VTI1A: variants seen among roughly 807,000 people sequenced by gnomAD.
VTI1A encodes vesicle transport through interaction with t-SNAREs homolog 1A.
Under a neutral mutation model 34.9 loss-of-function variants are expected in VTI1A, and 22 were observed. That is an observed-to-expected ratio of 0.63 (90% confidence interval 0.45 to 0.90). The LOEUF (loss-of-function observed/expected upper bound fraction) is 0.90, where lower values mean the gene tolerates loss of function less well. Ranked by LOEUF, VTI1A falls within the 40% of genes least tolerant of loss-of-function variation. The pLI is 0.00. For synonymous variants in VTI1A, 87 were observed against 97.3 expected (o/e 0.89, Z 0.62); for missense variants, 268 against 275.6 (o/e 0.97, Z 0.20).
intron 7 of VTI1A, among the ~76,000 whole-genome samples, chr10:112,716,409 A>G (rs552191926): frequency 6.6e-6 from 1 of 152,302 alleles, no homozygotes; most frequent in South Asian, 2.1e-4. Context: ...CCCAACATGT[A>G]TACTCTAGTG....
chr10:112,795,245 C>A (rs1006082643), intron 7 of VTI1A, among the ~76,000 whole-genome samples: 3 of 152,154 alleles, frequency 2.0e-5, no homozygotes, highest in African/African-American at 4.8e-5. Context: ...TCTTGGCTAA[C>A]TTAACTCTCT....
At chr10:112,854,072 C>G in the VTI1A span, among the ~76,000 whole-genome samples, 1 of 152,174 alleles carries the variant, frequency 6.6e-6, no homozygotes, top group African/African-American at 2.4e-5. Context: ...CTAGCCATGT[C>G]TGGCTGCCTC....
intron 5 of VTI1A, among the ~76,000 whole-genome samples, chr10:112,562,230 A>G (rs150134568): frequency 9.2e-5 from 14 of 152,288 alleles, no homozygotes; most frequent in Middle Eastern, 3.4e-3. Context: ...TCGTCCAGAA[A>G]CAATGATGTT....
intron 7 of VTI1A, among the ~76,000 whole-genome samples, chr10:112,740,235 A>G (rs572550043): frequency 6.6e-6 from 1 of 152,322 alleles, no homozygotes; most frequent in Non-Finnish European, 1.5e-5. Flanking sequence ...GTTGGTGTTC[A>G]CAAATACTGG....
intron 7 of VTI1A, among the ~76,000 whole-genome samples, chr10:112,805,946 A>G (rs1273985537): frequency 1.4e-4 from 22 of 152,158 alleles, no homozygotes; most frequent in Admixed American, 1.4e-3. Flanking sequence ...TAGCACACTA[A>G]TATACTGACT....
At chr10:112,632,028 A>C (rs968602541) in intron 5 of VTI1A, among the ~76,000 whole-genome samples, 1 of 152,220 alleles carries the variant, frequency 6.6e-6, no homozygotes. Context: ...TGTAATTGTA[A>C]AAATATACAA....
At chr10:112,617,822 C>A (rs1303383976) in intron 5 of VTI1A, among the ~76,000 whole-genome samples, 1 of 152,074 alleles carries the variant, frequency 6.6e-6, no homozygotes, top group Non-Finnish European at 1.5e-5. Context: ...CCATTTACAA[C>A]TACAAAGTAG....
At chr10:112,554,499 A>G (rs925468388) in intron 5 of VTI1A, among the ~76,000 whole-genome samples, 1 of 152,132 alleles carries the variant, frequency 6.6e-6, no homozygotes, top group Admixed American at 6.5e-5. Flanking sequence ...GTAAATGGAA[A>G]CTCTGTGCCA....
At position 112,721,116 on chromosome 10, in the gene VTI1A, T is replaced by A. The variant is rs1849791227; in HGVS notation, c.560+52118T>A. Among the ~76,000 whole-genome samples, 5 of 152,320 alleles carry A rather than the reference T, an allele frequency of 3.3e-5. No individual in the cohort carries two copies. In the South Asian group the frequency reaches 1.0e-3, roughly 32 times the overall value. On this transcript the variant is annotated intron_variant, in intron 7 of 7. Transcript: ENST00000393077. ...GTGGGGAAACTGAGGTTAGCTCACTTTTTCAATGGCACCTACATAGTGAGT... is the reference window on the plus strand; with the variant it reads ...GTGGGGAAACTGAGGTTAGCTCACTATTTCAATGGCACCTACATAGTGAGT...
chr10:112,456,885 A>G (rs1165886822), intron 1 of VTI1A, among the ~76,000 whole-genome samples: 2 of 152,200 alleles, frequency 1.3e-5, no homozygotes, highest in Non-Finnish European at 2.9e-5. Flanking sequence ...TTTCCTTGGT[A>G]TCCTGAGCTA....
intron 7 of VTI1A, among the ~76,000 whole-genome samples, chr10:112,700,141 CAA>C (rs1242861727): frequency 1.2e-4 from 12 of 104,098 alleles, no homozygotes; most frequent in African/African-American, 2.5e-4. Context: ...AAAAACAAAA[CAA>C]AAAAAAAAAA....
At chr10:112,591,234 C>G (rs2134433278) in intron 5 of VTI1A, among the ~76,000 whole-genome samples, 1 of 152,020 alleles carries the variant, frequency 6.6e-6, no homozygotes, top group East Asian at 2.0e-4. Context: ...AGAAGAGATA[C>G]TGTTGACCGG....
At chr10:112,784,542 G>A (rs368319568) in intron 7 of VTI1A, among the ~76,000 whole-genome samples, 1 of 152,152 alleles carries the variant, frequency 6.6e-6, no homozygotes, top group East Asian at 1.9e-4. Flanking sequence ...CTAATTGTAA[G>A]TTCTAATGTT....
chr10:112,573,640 T>A (rs1327448345), intron 5 of VTI1A, among the ~76,000 whole-genome samples: 1 of 152,168 alleles, frequency 6.6e-6, no homozygotes, highest in East Asian at 1.9e-4. Context: ...GTCTATGGCT[T>A]TAGGAAAATT....
rs1853556261 is a variant in VTI1A at position 112,817,435 on chromosome 10, T to C, written c.*2052T>C. On this transcript the variant is annotated 3_prime_UTR_variant, in exon 8 of 8. Coordinates refer to ENST00000393077, the MANE Select transcript of VTI1A (RefSeq NM_145206.4). ...GAGGAGGGCATTGCTCACCTCTCAA[T>C]AGCTTTTTTCGTTCAAGTTCTATGT... 8.6e-6 allele frequency: 2 copies of C among 231,256 alleles called. No homozygotes were observed. The highest frequency in any genetic ancestry group is 6.1e-5 in the East Asian group (1 of 16,308). The allele number at this position is 231,256 out of a possible 1,614,324, so 14.3% of individuals were successfully genotyped here.
At chr10:112,588,388 T>C (rs917749299) in intron 5 of VTI1A, among the ~76,000 whole-genome samples, 1 of 152,198 alleles carries the variant, frequency 6.6e-6, no homozygotes, top group African/African-American at 2.4e-5. Flanking sequence ...GTAGTCAATA[T>C]AATAAATTTC....
chr10:112,520,669 A>ATATG (rs2098399723), intron 3 of VTI1A, among the ~76,000 whole-genome samples: 1 of 149,268 alleles, frequency 6.7e-6, no homozygotes, highest in Non-Finnish European at 1.5e-5. Context: ...ATATATATAT[A>ATATG]TATAAAACCT....
At chr10:112,504,890 T>C (rs1275717001) in intron 3 of VTI1A, among the ~76,000 whole-genome samples, 1 of 152,076 alleles carries the variant, frequency 6.6e-6, no homozygotes, top group East Asian at 1.9e-4. Flanking sequence ...AGATGGAATG[T>C]CTTTTTATAT....
chr10:112,514,779 G>A (rs973381137), intron 3 of VTI1A, among the ~76,000 whole-genome samples: 12 of 152,074 alleles, frequency 7.9e-5, no homozygotes, highest in Middle Eastern at 3.4e-3. Flanking sequence ...TTAACAAAAT[G>A]TAGCGGTAAC....
Sources: allele counts gnomAD v4.1 joint callset (sites outside exome capture counted in the v4.1 genomes callset), GRCh38; gene constraint gnomAD v4.1.1; transcripts MANE v1.5; gene names NCBI Gene and HGNC (gene_info 2026-07-23, HGNC 2026-07-21).